Variants in MCC observed in about 807,000 individuals in gnomAD.
The protein encoded by MCC is MCC regulator of Wnt signaling pathway.
A neutral mutation model predicts 116.2 loss-of-function variants in MCC; 90 were observed. The observed-to-expected ratio is 0.77, with a 90% CI of 0.65 to 0.92. The LOEUF is 0.92. Ranked by LOEUF, MCC falls within the 40% of genes least tolerant of loss-of-function variation. MCC has a pLI of 0.00. For synonymous variants in MCC, 578 were observed against 510.5 expected (o/e 1.13, Z -1.78); for missense variants, 1,516 against 1,312.2 (o/e 1.16, Z -2.40).
intron 8 of MCC, among the ~76,000 whole-genome samples, chr5:113,099,672 G>A (rs1756273025): frequency 6.6e-6 from 1 of 152,204 alleles, no homozygotes; most frequent in Admixed American, 6.5e-5. Context: ...CATGACCCAG[G>A]CAATCTGGCT....
At chr5:113,424,261 T>C (rs1770425583) in intron 1 of MCC, among the ~76,000 whole-genome samples, 1 of 151,232 alleles carries the variant, frequency 6.6e-6, no homozygotes. Context: ...GAAGAGGGCA[T>C]CTAATATAAA....
At chr5:113,462,687 T>C (rs2150426269) in intron 1 of MCC, among the ~76,000 whole-genome samples, 1 of 152,328 alleles carries the variant, frequency 6.6e-6, no homozygotes, top group East Asian at 1.9e-4. Flanking sequence ...ACACTGCTTC[T>C]GCAAATTTAA....
chr5:113,393,203 T>G (rs923351631), intron 1 of MCC, among the ~76,000 whole-genome samples: 10 of 152,134 alleles, frequency 6.6e-5, no homozygotes, highest in Non-Finnish European at 1.3e-4. Context: ...ATGTTGTTTT[T>G]AAGAGCTGTG....
intron 5 of MCC, among the ~76,000 whole-genome samples, chr5:113,138,041 T>G (rs915429331): frequency 6.6e-6 from 1 of 152,016 alleles, no homozygotes; most frequent in African/African-American, 2.4e-5. Flanking sequence ...AATTCTTTTT[T>G]TTTTTTTCTC....
chr5:113,109,728 C>T (rs935317156), intron 6 of MCC, among the ~76,000 whole-genome samples: 4 of 151,912 alleles, frequency 2.6e-5, no homozygotes, highest in African/African-American at 7.3e-5. Flanking sequence ...AAACAGAAAA[C>T]GGTAACCTTC....
chr5:113,472,966 A>G (rs1437880256), intron 1 of MCC, among the ~76,000 whole-genome samples: 1 of 152,246 alleles, frequency 6.6e-6, no homozygotes, highest in Non-Finnish European at 1.5e-5. Context: ...TAATCAACGC[A>G]TGATGTCAGG....
chr5:113,049,533 C>G (rs547793203), intron 15 of MCC, among the ~76,000 whole-genome samples: 3 of 152,304 alleles, frequency 2.0e-5, no homozygotes, highest in East Asian at 3.9e-4. Context: ...TGGACTAGAC[C>G]TGAGACAGAA....
intron 2 of MCC, among the ~76,000 whole-genome samples, chr5:113,354,099 T>C (rs2150382962): frequency 6.6e-6 from 1 of 152,334 alleles, no homozygotes; most frequent in East Asian, 1.9e-4. Context: ...GACTTATTTC[T>C]CTGCACACTG....
At chr5:113,145,007 G>C (rs955108877) in intron 4 of MCC, among the ~76,000 whole-genome samples, 1 of 152,144 alleles carries the variant, frequency 6.6e-6, no homozygotes, top group African/African-American at 2.4e-5. Flanking sequence ...ATGAAGTTAG[G>C]CCTTTCTCAT....
chr5:113,030,684 CAAAA>C (rs1038725943), intron 17 of MCC, among the ~76,000 whole-genome samples: 8 of 152,038 alleles, frequency 5.3e-5, no homozygotes, highest in African/African-American at 1.7e-4. Context: ...TCAAAACAAA[CAAAA>C]AAATCAGATG....
At chr5:113,483,514 C>T (rs574016660) in intron 1 of MCC, among the ~76,000 whole-genome samples, 1 of 152,068 alleles carries the variant, frequency 6.6e-6, no homozygotes, top group South Asian at 2.1e-4. Flanking sequence ...GATTAGAGAT[C>T]ATTTTGATCT....
At chr5:113,384,818 G>T in intron 2 of MCC, 150 bp downstream of exon 2, 1 of 788,468 alleles carries the variant, frequency 1.3e-6, no homozygotes, top group Non-Finnish European at 2.0e-6. Context: ...GGGAAACAGT[G>T]AGCACTCCCC....
chr5:113,482,195 T>C lies in MCC; in HGVS notation c.170+6050A>G, dbSNP rs184176186. ...TGAACATTTGGGTACATCTTTTGACTATTATAAACAATGTTGTTATGAACA... is the reference window on the plus strand; with the variant it reads ...TGAACATTTGGGTACATCTTTTGACCATTATAAACAATGTTGTTATGAACA... On this transcript the variant is annotated intron_variant, in intron 1 of 18. Transcript: ENST00000408903. Among the ~76,000 whole-genome samples, 6 of 152,366 alleles carry C rather than the reference T, an allele frequency of 3.9e-5. No individual in the cohort carries two copies. In the East Asian group the frequency reaches 1.2e-3, roughly 29 times the overall value.
At chr5:113,317,266 A>G (rs1227704357) in intron 3 of MCC, among the ~76,000 whole-genome samples, 1 of 152,184 alleles carries the variant, frequency 6.6e-6, no homozygotes, top group African/African-American at 2.4e-5. Context: ...TCGCTAACCC[A>G]CTTAAAAAAA....
chr5:113,113,158 C>A (rs1757196786), intron 6 of MCC, among the ~76,000 whole-genome samples: 1 of 152,208 alleles, frequency 6.6e-6, no homozygotes, highest in South Asian at 2.1e-4. Context: ...TAAAGCAATT[C>A]AAAGTGGGAG....
rs76324358 is a variant in MCC, at chr5:113,119,320, G to C, written c.1027+3364C>G. Among the ~76,000 whole-genome samples the C allele has an allele frequency of 4.9e-3, 739 of 152,322 alleles. 5 individuals are homozygous for C. The highest frequency in any genetic ancestry group is 0.017 in the African/African-American group (702 of 41,558). Reference sequence around the variant, plus strand: ...TATGAAAGAAAATGAAGCAGGGAAAGGGAAGCAAGTGGCTGCCTGAGAGTG... The same window carrying C: ...TATGAAAGAAAATGAAGCAGGGAAACGGAAGCAAGTGGCTGCCTGAGAGTG... On this transcript the variant is annotated intron_variant, in intron 6 of 18. Coordinates refer to ENST00000408903, the MANE Select transcript of MCC (RefSeq NM_001085377.2).
intron 1 of MCC, among the ~76,000 whole-genome samples, chr5:113,405,908 C>T (rs1443589417): frequency 6.6e-6 from 1 of 152,066 alleles, no homozygotes; most frequent in Non-Finnish European, 1.5e-5. Context: ...ACTACATTTT[C>T]CTTTTGAGCA....
At chr5:113,224,813 G>A (rs1048291996) in intron 3 of MCC, among the ~76,000 whole-genome samples, 3 of 152,130 alleles carry the variant, frequency 2.0e-5, no homozygotes, top group Non-Finnish European at 2.9e-5. Context: ...ACTCCTGTTC[G>A]CAAAAACAAT....
chr5:113,051,456 C>T (rs1341690632), intron 15 of MCC, among the ~76,000 whole-genome samples: 1 of 152,220 alleles, frequency 6.6e-6, no homozygotes, highest in Non-Finnish European at 1.5e-5. Context: ...TGGTGCCTCA[C>T]ATCTGTAATC....
Sources: gnomAD v4.1 joint callset for allele counts (sites outside exome capture counted in the v4.1 genomes callset) on GRCh38, gnomAD v4.1.1 for gene constraint, MANE v1.5 for transcripts, NCBI Gene and HGNC (gene_info 2026-07-23, HGNC 2026-07-21) for gene names.